CRYBG1: variants seen among roughly 807,000 people sequenced by gnomAD.
CRYBG1 encodes the protein crystallin beta-gamma domain containing 1.
Under a neutral mutation model 189.2 loss-of-function variants are expected in CRYBG1, and 139 were observed. The ratio of observed to expected loss-of-function variants is 0.73; its 90% CI spans 0.64 to 0.85. CRYBG1 has a LOEUF of 0.85. CRYBG1 is among the 40% of genes least tolerant of loss of function. CRYBG1 has a pLI of 0.00. For missense variants in CRYBG1, 2,611 were observed against 2,675.8 expected (o/e 0.98, Z 0.53); for synonymous variants, 1,023 against 1,017.1 (o/e 1.01, Z -0.11).
intron 9 of CRYBG1, among the ~76,000 whole-genome samples, chr6:106,539,982 G>T (rs1774093387): frequency 6.6e-6 from 1 of 152,160 alleles, no homozygotes; most frequent in Admixed American, 6.5e-5. Context: ...GGAGCTGTCG[G>T]TGAATGCACT....
chr6:106,451,896 AAGAT>A (rs1302497629), intron 2 of CRYBG1, 64 bp downstream of exon 2: 21 of 1,398,168 alleles, frequency 1.5e-5, no homozygotes, highest in Non-Finnish European at 1.8e-5. Context: ...AAAGCACTGT[AAGAT>A]AGCCTGTCTA....
chr6:106,529,324 C>T (rs1773823069), intron 7 of CRYBG1, among the ~76,000 whole-genome samples: 1 of 152,214 alleles, frequency 6.6e-6, no homozygotes, highest in Admixed American at 6.5e-5. Context: ...TATGATATGT[C>T]ATGGCTCCCA....
chr6:106,560,864 G>T lies in CRYBG1; in HGVS notation c.5917G>T (p.Val1973Leu), dbSNP rs199953800. 2 of 1,613,128 alleles carry T rather than the reference G, an allele frequency of 1.2e-6. No homozygotes were observed. Among genetic ancestry groups the T allele is most frequent in the Non-Finnish European group, 1.7e-6 (2 of 1,179,638 alleles). ...ACAGTTCCTATTGTCACCTGCAGAA[G>T]TACCTAATTGGTATGAATTCAGTGG... is the stretch of plus-strand genomic sequence containing the variant. ...GRQFLLSPAE[V>L]PNWYEFSGCR... is the part of the protein sequence containing the mutation. Residue 1973 changes from valine to leucine, a missense_variant, in exon 19 of 22, where the codon GTA (valine) becomes TTA (leucine). This residue lies in a region of CRYBG1 where 1,622 missense variants were observed against 1,735.0 expected (regional missense o/e 0.93). Coordinates refer to ENST00000633556, the MANE Select transcript of CRYBG1 (RefSeq NM_001371242.2).
At chr6:106,425,955 A>G (rs1771216925) in intron 1 of CRYBG1, among the ~76,000 whole-genome samples, 1 of 152,188 alleles carries the variant, frequency 6.6e-6, no homozygotes, top group African/African-American at 2.4e-5. Context: ...CTTTAAATTC[A>G]TGACCACATA....
rs534442719 is a variant in CRYBG1 at position 106,531,997 on chromosome 6, G to A, written c.4718+1682G>A. ...TTGATGTATAAAGTTATTTTCCAAG[G>A]ATAGTATACATTTTACTGCTTTTTA... On this transcript the variant is annotated intron_variant, in intron 8 of 21. Coordinates refer to ENST00000633556, the MANE Select transcript of CRYBG1 (RefSeq NM_001371242.2). Among the ~76,000 whole-genome samples the A allele has an allele frequency of 4.6e-5, 7 of 152,200 alleles. No homozygotes were observed. The East Asian group carries it at 1.4e-3, about 29-fold the overall frequency.
At chr6:106,465,799 T>G (rs530447901) in intron 2 of CRYBG1, among the ~76,000 whole-genome samples, 1 of 152,226 alleles carries the variant, frequency 6.6e-6, no homozygotes, top group South Asian at 2.1e-4. Context: ...ACAGGTCTTT[T>G]TTTGCTCTAT....
At chr6:106,408,838 A>T (rs1296815987) in intron 1 of CRYBG1, among the ~76,000 whole-genome samples, 1 of 152,094 alleles carries the variant, frequency 6.6e-6, no homozygotes, top group Non-Finnish European at 1.5e-5. Context: ...CATGCTAAAA[A>T]CTCTCAATAA....
chr6:106,510,203 T>C (rs1331662862), intron 2 of CRYBG1, among the ~76,000 whole-genome samples: 1 of 152,202 alleles, frequency 6.6e-6, no homozygotes, highest in Admixed American at 6.5e-5. Context: ...ACGTTTGGCC[T>C]GGTTTCAGAG....
intron 1 of CRYBG1, among the ~76,000 whole-genome samples, chr6:106,391,704 G>A (rs777574831): frequency 4.6e-5 from 7 of 152,134 alleles, no homozygotes; most frequent in African/African-American, 1.2e-4. Flanking sequence ...TGAAGTGAGC[G>A]GAGAGTGAGG....
chr6:106,419,297 C>T (rs1267895996), intron 1 of CRYBG1, among the ~76,000 whole-genome samples: 4 of 152,210 alleles, frequency 2.6e-5, no homozygotes, highest in African/African-American at 9.6e-5. Flanking sequence ...CTTTCGTACC[C>T]TTACTAACTG....
intron 1 of CRYBG1, among the ~76,000 whole-genome samples, chr6:106,407,496 G>A (rs1191209557): frequency 2.6e-5 from 4 of 152,186 alleles, no homozygotes; most frequent in African/African-American, 9.6e-5. Context: ...AAATTAACAA[G>A]GATATTCAGG....
chr6:106,568,674 A>G lies in CRYBG1; in HGVS notation c.*108A>G. 1.4e-6 allele frequency: 1 copy of G among 737,244 alleles called. No homozygotes were observed. The allele number at this position is 737,244 out of a possible 1,614,324, so 45.7% of individuals were successfully genotyped here. ...TGGAAAGTGGATCGACTCCTCCTTC[A>G]TTGATTCTAAATTCAACCTTAAATC... is the stretch of plus-strand genomic sequence containing the variant. On this transcript the variant is annotated 3_prime_UTR_variant, in exon 22 of 22. Coordinates refer to ENST00000633556, the MANE Select transcript of CRYBG1 (RefSeq NM_001371242.2).
chr6:106,413,319 A>G (rs952315217), intron 1 of CRYBG1, among the ~76,000 whole-genome samples: 16 of 152,194 alleles, frequency 1.1e-4, no homozygotes, highest in African/African-American at 3.4e-4. Context: ...TGGTTCCCCA[A>G]AGAAAAATCA....
chr6:106,414,136 G>A (rs1348702162), intron 1 of CRYBG1, among the ~76,000 whole-genome samples: 1 of 152,178 alleles, frequency 6.6e-6, no homozygotes, highest in Non-Finnish European at 1.5e-5. Context: ...TTTCTGTTGT[G>A]CGAGCCCCTT....
At chr6:106,483,401 T>TATAGA in intron 2 of CRYBG1, among the ~76,000 whole-genome samples, 1 of 95,598 alleles carries the variant, frequency 1.0e-5, no homozygotes. Context: ...GATATATATA[T>TATAGA]AAAACATTTT....
intron 1 of CRYBG1, among the ~76,000 whole-genome samples, chr6:106,413,131 C>T (rs945271168): frequency 6.6e-6 from 1 of 152,112 alleles, no homozygotes; most frequent in African/African-American, 2.4e-5. Context: ...CAACTGTAGT[C>T]TTCCATCACC....
At chr6:106,479,525 G>A (rs9386553) in intron 2 of CRYBG1, among the ~76,000 whole-genome samples, 21,873 of 152,102 alleles carry the variant, frequency 0.14, 1,893 homozygotes, top group East Asian at 0.25. Context: ...CAAAGCGACT[G>A]CATCATTTAA....
In CRYBG1 at chr6:106,482,655, T is replaced by G. The variant is rs181073902; in HGVS notation, c.313-28775T>G. Among the ~76,000 whole-genome samples the G allele has an allele frequency of 4.7e-3, 714 of 152,090 alleles. 2 individuals are homozygous for G. Among genetic ancestry groups the G allele is most frequent in the Non-Finnish European group, 6.7e-3 (453 of 67,950 alleles). On this transcript the variant is annotated intron_variant, in intron 2 of 21. Coordinates refer to ENST00000633556, the MANE Select transcript of CRYBG1 (RefSeq NM_001371242.2). ...CTGGGCGTGGTGGCGGGCACCTGTA[T>G]TCCCAGCTACTTGGGAGGCTGAGGC... is the stretch of plus-strand genomic sequence containing the variant.
chr6:106,535,383 A>G (rs901616420), intron 8 of CRYBG1, among the ~76,000 whole-genome samples: 108 of 152,348 alleles, frequency 7.1e-4, no homozygotes, highest in Non-Finnish European at 1.6e-4. Context: ...ACACCAATGT[A>G]CCATTCACTT....
Sources: gnomAD v4.1 joint callset for allele counts (sites outside exome capture counted in the v4.1 genomes callset) on GRCh38, gnomAD v4.1.1 for gene constraint, gnomAD v4.1.1 regional missense constraint, MANE v1.5 for transcripts, NCBI Gene and HGNC (gene_info 2026-07-23, HGNC 2026-07-21) for gene names.